ESR1: variants seen among roughly 807,000 people sequenced by gnomAD.
ESR1 encodes estrogen receptor 1.
Under a neutral mutation model 52.7 loss-of-function variants are expected in ESR1, and 12 were observed. That is an observed-to-expected ratio of 0.23 (90% CI 0.15 to 0.37). The LOEUF is 0.37. Ranked by LOEUF, ESR1 falls within the 10% of genes least tolerant of loss-of-function variation. The pLI is 1.00. For missense variants in ESR1, 584 were observed against 779.7 expected, an observed-to-expected ratio of 0.75 and a Z score of 2.99; for synonymous variants, 305 against 316.8, an observed-to-expected ratio of 0.96 and a Z score of 0.39.
At chr6:151,931,559 G>A (rs888646466) in intron 3 of ESR1, among the ~76,000 whole-genome samples, 15 of 148,000 alleles carry the variant, frequency 1.0e-4, no homozygotes, top group Admixed American at 5.4e-4. Flanking sequence ...CCACTAACTC[G>A]TCATCTAGCA....
chr6:151,984,835 T>C (rs975721102), intron 4 of ESR1, among the ~76,000 whole-genome samples: 2 of 152,146 alleles, frequency 1.3e-5, no homozygotes, highest in Non-Finnish European at 2.9e-5. Context: ...CTAAATATTA[T>C]CCTTCTTTAG....
chr6:151,848,757 A>T (rs993045485), intron 2 of ESR1, among the ~76,000 whole-genome samples: 52 of 152,220 alleles, frequency 3.4e-4, no homozygotes, highest in African/African-American at 1.1e-3. Context: ...TATACGATTC[A>T]GTTTCCATGC....
rs1185878554 is a variant in ESR1, at chr6:151,675,001, G to A, written n.73+18238G>A. 2.0e-5 allele frequency among the ~76,000 whole-genome samples: 3 copies of A among 152,182 alleles called. No homozygotes were observed. The East Asian group carries it at 5.8e-4, about 29-fold the overall frequency. On this transcript the variant is annotated intron_variant and non_coding_transcript_variant, in intron 1 of 2. Transcript: ENST00000473497. ...TTCAATCATAGCAGTGGAATTCCTTGATGGTTTATGAAAATAAATGTTTTT... is the reference window on the plus strand; with the variant it reads ...TTCAATCATAGCAGTGGAATTCCTTAATGGTTTATGAAAATAAATGTTTTT...
In ESR1 at chr6:151,880,601, T is replaced by G. The variant is rs1583908000; in HGVS notation, c.644-54T>G. 3 of 1,098,376 alleles carry G rather than the reference T, an allele frequency of 2.7e-6. No individual in the cohort carries two copies. The East Asian group carries it at 7.0e-5, about 26-fold the overall frequency. 68.0% of individuals were successfully genotyped at this position (1,098,376 alleles called of 1,614,324 possible). On this transcript the variant is annotated intron_variant, in intron 2 of 7. Coordinates refer to ENST00000206249, the MANE Select transcript of ESR1 (RefSeq NM_000125.4). ...CTCCAAAAGGTTTCCCTGTAGATTC[T>G]GACTGGCTAAGTTTCCTGAAATAAT...
intron 4 of ESR1, among the ~76,000 whole-genome samples, chr6:151,978,233 A>C (rs548456242): frequency 6.6e-6 from 1 of 152,264 alleles, no homozygotes; most frequent in African/African-American, 2.4e-5. Flanking sequence ...TTATAGTGAA[A>C]AAAGTTATTA....
rs2152506147 is a variant in ESR1 at position 152,098,718 on chromosome 6, C to G, written c.1554-14C>G. The G allele has an allele frequency of 6.2e-7, 1 of 1,610,774 alleles. No homozygotes were observed. The highest frequency in any genetic ancestry group is 8.5e-7 in the Non-Finnish European group (1 of 1,177,154). ...GGCTCTAAAGTAGTCCTTTCTGTGTCTTCCCACCTACAGTAACAAAGGCAT... is the reference window on the plus strand; with the variant it reads ...GGCTCTAAAGTAGTCCTTTCTGTGTGTTCCCACCTACAGTAACAAAGGCAT... On this transcript the variant is annotated splice_polypyrimidine_tract_variant and intron_variant, in intron 7 of 7. Transcript: ENST00000206249. The surrounding 1 kb of genome is among the most constrained non-coding windows in gnomAD (Gnocchi z 5.1).
chr6:152,100,770 G>C lies in ESR1; in HGVS notation c.*1804G>C. On this transcript the variant is annotated 3_prime_UTR_variant, in exon 8 of 8. Transcript: ENST00000206249. ...CACCAAAGGACTGAGAATCTGGGAG[G>C]GCAAAAAAAAAAAAAAAGTTTTTAT... 5.3e-6 allele frequency: 1 copy of C among 189,652 alleles called. No homozygotes were observed. The highest frequency in any genetic ancestry group is 3.0e-5 in the African/African-American group (1 of 32,890). 11.7% of individuals were successfully genotyped at this position (189,652 alleles called of 1,614,324 possible).
chr6:152,040,813 G>A (rs2045725807), intron 5 of ESR1, among the ~76,000 whole-genome samples: 1 of 152,192 alleles, frequency 6.6e-6, no homozygotes, highest in African/African-American at 2.4e-5. Flanking sequence ...TCCCCATGAG[G>A]CCATCAGTGC....
In ESR1 at chr6:151,728,688, C is replaced by T. The variant is rs539770785; in HGVS notation, c.-71+26683C>T. Among the ~76,000 whole-genome samples the T allele has an allele frequency of 1.8e-4, 28 of 152,242 alleles. No homozygotes were observed. The South Asian group carries it at 2.5e-3, about 14-fold the overall frequency. ...CTGCCCCCCATCCACACATTTGATGCGCCTCCTTTTAAAATTCTCTTTCCT... is the reference window on the plus strand; with the variant it reads ...CTGCCCCCCATCCACACATTTGATGTGCCTCCTTTTAAAATTCTCTTTCCT... On this transcript the variant is annotated intron_variant, in intron 2 of 2. Transcript: ENST00000404742.
chr6:151,896,761 A>C (rs1298328233), intron 3 of ESR1, among the ~76,000 whole-genome samples: 1 of 148,808 alleles, frequency 6.7e-6, no homozygotes, highest in Non-Finnish European at 1.5e-5. Flanking sequence ...TAGTTCCTTG[A>C]TTTGTGACCT....
At chr6:151,770,114 T>C (rs1785394064) in intron 2 of ESR1, among the ~76,000 whole-genome samples, 1 of 152,034 alleles carries the variant, frequency 6.6e-6, no homozygotes, top group African/African-American at 2.4e-5. Flanking sequence ...GAGATGGGCA[T>C]GATAGGTGAG....
chr6:151,932,367 G>A (rs2128488765), intron 3 of ESR1, among the ~76,000 whole-genome samples: 1 of 124,018 alleles, frequency 8.1e-6, no homozygotes, highest in South Asian at 3.1e-4. Flanking sequence ...TTTGTCAGAT[G>A]AGTAGGTTGC....
At chr6:152,030,919 A>G (rs1381218294) in intron 5 of ESR1, among the ~76,000 whole-genome samples, 2 of 152,216 alleles carry the variant, frequency 1.3e-5, no homozygotes, top group South Asian at 2.1e-4. Flanking sequence ...GTAAAAGAAC[A>G]GAAATTATAA....
intron 2 of ESR1, 28 bp from the exon 3 acceptor site, chr6:151,880,627 A>G (rs370499721): frequency 1.9e-4 from 250 of 1,322,510 alleles, no homozygotes; most frequent in Non-Finnish European, 2.4e-4. Flanking sequence ...CTGAAATAAT[A>G]TTAATTCTGT....
intron 2 of ESR1, among the ~76,000 whole-genome samples, chr6:151,865,389 G>A (rs981692211): frequency 1.3e-5 from 2 of 152,072 alleles, no homozygotes; most frequent in Non-Finnish European, 2.9e-5. Context: ...GTTGACAAAG[G>A]GTTTGCATAT....
chr6:151,674,487 A>C (rs143850278), intron 1 of ESR1, among the ~76,000 whole-genome samples: 39 of 152,308 alleles, frequency 2.6e-4, no homozygotes, highest in African/African-American at 9.1e-4. Flanking sequence ...TGCTGCAATA[A>C]ACATGCGTGT....
intron 3 of ESR1, among the ~76,000 whole-genome samples, chr6:151,929,392 T>C (rs1223906287): frequency 2.0e-5 from 3 of 152,180 alleles, no homozygotes; most frequent in Non-Finnish European, 4.4e-5. Context: ...AGCTTTATTT[T>C]TGTGAATGTT....
intron 5 of ESR1, among the ~76,000 whole-genome samples, chr6:152,059,453 A>G (rs1462835547): frequency 1.3e-5 from 2 of 152,042 alleles, no homozygotes; most frequent in Admixed American, 1.3e-4. Context: ...AAGAAAAAAC[A>G]AAAAACCATA....
chr6:151,938,321 AG>A, intron 3 of ESR1, among the ~76,000 whole-genome samples: 1 of 152,190 alleles, frequency 6.6e-6, no homozygotes, highest in East Asian at 1.9e-4. Flanking sequence ...ATGAATACTC[AG>A]GCAGTATGTT....
Sources: gnomAD v4.1 joint callset for allele counts (sites outside exome capture counted in the v4.1 genomes callset) on GRCh38, gnomAD v4.1.1 for gene constraint, Gnocchi (gnomAD v3.1) non-coding constraint, MANE v1.5 for transcripts, NCBI Gene and HGNC (gene_info 2026-07-23, HGNC 2026-07-21) for gene names.